Variants in PTPRD observed in about 807,000 individuals in gnomAD.
The protein encoded by PTPRD is protein tyrosine phosphatase receptor type D.
Under a neutral mutation model 214.5 loss-of-function variants are expected in PTPRD, and 34 were observed. That is an observed-to-expected ratio of 0.16 (90% CI 0.12 to 0.21). PTPRD has a LOEUF of 0.21. Ranked by LOEUF, PTPRD falls within the 10% of genes least tolerant of loss-of-function variation. PTPRD has a pLI of 1.00. For synonymous variants in PTPRD, 1,128 were observed against 845.7 expected (o/e 1.33, Z -5.79); for missense variants, 2,545 against 2,398.7 (o/e 1.06, Z -1.27).
At chr9:10,385,817 G>T (rs562008139) in intron 2 of PTPRD, among the ~76,000 whole-genome samples, 324 of 151,704 alleles carry the variant, frequency 2.1e-3, no homozygotes, top group Non-Finnish European at 3.2e-3. Flanking sequence ...AAAGGTGATA[G>T]ATGGTCAATA....
At chr9:9,798,538 G>A (rs2099018517) in intron 5 of PTPRD, among the ~76,000 whole-genome samples, 1 of 152,126 alleles carries the variant, frequency 6.6e-6, no homozygotes, top group Admixed American at 6.5e-5. Context: ...TCTCAGACAA[G>A]AATCTTATGA....
intron 7 of PTPRD, among the ~76,000 whole-genome samples, chr9:9,732,659 T>C (rs1314461175): frequency 6.6e-6 from 1 of 152,150 alleles, no homozygotes; most frequent in African/African-American, 2.4e-5. Flanking sequence ...CTACCTAAAA[T>C]ACCCCAGTTC....
chr9:10,335,603 G>A (rs1029344705), intron 3 of PTPRD, among the ~76,000 whole-genome samples: 5 of 151,432 alleles, frequency 3.3e-5, no homozygotes, highest in Admixed American at 1.3e-4. Context: ...ACTGGAATTC[G>A]TTAAAATAAA....
intron 5 of PTPRD, among the ~76,000 whole-genome samples, chr9:9,841,101 T>G (rs2058227701): frequency 6.6e-6 from 1 of 152,194 alleles, no homozygotes; most frequent in Non-Finnish European, 1.5e-5. Flanking sequence ...TTTTTCTTGT[T>G]AAATTTGAGC....
chr9:10,498,506 C>T (rs925707020), intron 2 of PTPRD, among the ~76,000 whole-genome samples: 7 of 151,818 alleles, frequency 4.6e-5, no homozygotes, highest in Non-Finnish European at 8.8e-5. Flanking sequence ...CAGGTCACAT[C>T]AAATTTCTCT....
intron 11 of PTPRD, among the ~76,000 whole-genome samples, chr9:8,828,328 A>T (rs1366159613): frequency 6.6e-6 from 1 of 152,196 alleles, no homozygotes; most frequent in Non-Finnish European, 1.5e-5. Flanking sequence ...ATGAGGGTGG[A>T]TCCCTTGTGA....
chr9:10,156,118 G>A lies in PTPRD; in HGVS notation c.-544-122328C>T, dbSNP rs1019260812. 2.8e-5 allele frequency among the ~76,000 whole-genome samples: 4 copies of A among 141,614 alleles called. No homozygotes were observed. The East Asian group carries it at 6.7e-4, about 24-fold the overall frequency. 92.9% of individuals were successfully genotyped at this position (141,614 alleles called of 152,430 possible). A position where few individuals can be genotyped will look rare whatever the true frequency, so the allele number is the denominator to read the frequency against. On this transcript the variant is annotated intron_variant, in intron 3 of 45. Transcript: ENST00000381196. ...TGTGTGTGTGTGTGTGTGTGTGTGT[G>A]TGTGTGCCTGTCTCCTTTGGTTCAG... is the stretch of plus-strand genomic sequence containing the variant.
chr9:8,563,026 C>A (rs1003826265), intron 14 of PTPRD, among the ~76,000 whole-genome samples: 1 of 151,962 alleles, frequency 6.6e-6, no homozygotes, highest in Non-Finnish European at 1.5e-5. Flanking sequence ...ACTGATATAT[C>A]CATGTAATGG....
chr9:9,248,200 C>T (rs545800647), intron 9 of PTPRD, among the ~76,000 whole-genome samples: 1 of 152,078 alleles, frequency 6.6e-6, no homozygotes, highest in South Asian at 2.1e-4. Context: ...TCAAGTGATT[C>T]TCCTGCCTAA....
chr9:9,445,882 G>C (rs770214920), intron 8 of PTPRD, among the ~76,000 whole-genome samples: 13 of 152,272 alleles, frequency 8.5e-5, no homozygotes, highest in African/African-American at 3.1e-4. Context: ...AGGAACTCTT[G>C]TGCTTATGCA....
intron 9 of PTPRD, among the ~76,000 whole-genome samples, chr9:9,328,996 G>T (rs967381016): frequency 5.9e-5 from 9 of 151,950 alleles, no homozygotes; most frequent in African/African-American, 2.2e-4. Flanking sequence ...CGTAAAAATT[G>T]ACACTATGAG....
intron 4 of PTPRD, among the ~76,000 whole-genome samples, chr9:9,992,317 G>C (rs928240804): frequency 1.3e-5 from 2 of 152,094 alleles, no homozygotes; most frequent in African/African-American, 4.8e-5. Flanking sequence ...AAAATTCGTG[G>C]TAAAGAAAAA....
At chr9:9,315,147 C>G (rs955352859) in intron 9 of PTPRD, among the ~76,000 whole-genome samples, 4 of 151,952 alleles carry the variant, frequency 2.6e-5, no homozygotes, top group African/African-American at 4.8e-5. Flanking sequence ...CTTTCTTCTT[C>G]TTTGTAGCTC....
intron 9 of PTPRD, among the ~76,000 whole-genome samples, chr9:9,384,598 A>C (rs1293785947): frequency 6.6e-6 from 1 of 151,790 alleles, no homozygotes; most frequent in African/African-American, 2.4e-5. Context: ...CTAAAAAATA[A>C]ATAAGGAGAT....
rs368575138 is a variant in PTPRD, at chr9:9,197,706, C to T, written c.-202-14343G>A. Among the ~76,000 whole-genome samples, 9 of 152,312 alleles carry T rather than the reference C, an allele frequency of 5.9e-5. No individual in the cohort carries two copies. The South Asian group carries it at 1.7e-3, about 28-fold the overall frequency. ...GATTACAGGCATGAGCCACCATGTC[C>T]GGCCTATTTTTCTTTTCTGCTGAGT... On this transcript the variant is annotated intron_variant, in intron 9 of 45. Coordinates refer to ENST00000381196, the MANE Select transcript of PTPRD (RefSeq NM_002839.4).
At chr9:8,570,794 C>T (rs555904018) in intron 14 of PTPRD, among the ~76,000 whole-genome samples, 1 of 152,048 alleles carries the variant, frequency 6.6e-6, no homozygotes, top group East Asian at 1.9e-4. Context: ...AATGCTATTC[C>T]TCTTTGTCTG....
chr9:8,743,838 G>A (rs1295254292), intron 11 of PTPRD, among the ~76,000 whole-genome samples: 1 of 148,688 alleles, frequency 6.7e-6, no homozygotes, highest in Non-Finnish European at 1.5e-5. Flanking sequence ...AATATCAACA[G>A]AGTTAACAGA....
At chr9:8,717,515 C>T (rs58997119) in intron 12 of PTPRD, among the ~76,000 whole-genome samples, 14,800 of 152,208 alleles carry the variant, frequency 0.097, 2,196 homozygotes, top group African/African-American at 0.32. Context: ...CACCCTCCAA[C>T]GCATCCTCCA....
At chr9:10,605,959 G>A (rs1050839215) in intron 2 of PTPRD, among the ~76,000 whole-genome samples, 1 of 151,944 alleles carries the variant, frequency 6.6e-6, no homozygotes, top group East Asian at 1.9e-4. Context: ...GAAAATAGAA[G>A]AGGGTGCAAC....
Sources: allele counts gnomAD v4.1 joint callset (sites outside exome capture counted in the v4.1 genomes callset), GRCh38; gene constraint gnomAD v4.1.1; transcripts MANE v1.5; gene names NCBI Gene and HGNC (gene_info 2026-07-23, HGNC 2026-07-21).